The following GRIK4 variants were observed in gnomAD, a reference collection of about 807,000 sequenced individuals.
GRIK4 encodes the protein glutamate ionotropic receptor kainate type subunit 4.
A neutral mutation model predicts 104.9 loss-of-function variants in GRIK4; 40 were observed. The ratio of observed to expected loss-of-function variants is 0.38; its 90% confidence interval spans 0.30 to 0.50. The LOEUF (loss-of-function observed/expected upper bound fraction) is 0.50. Ranked by LOEUF, GRIK4 falls within the 20% of genes least tolerant of loss-of-function variation. GRIK4 has a pLI of 0.93. For missense variants in GRIK4, 1,047 were observed against 1,308.1 expected (o/e 0.80, Z 3.08); for synonymous variants, 485 against 524.9 (o/e 0.92, Z 1.04).
chr11:120,668,492 T>G (rs1016520507), intron 3 of GRIK4, among the ~76,000 whole-genome samples: 5 of 152,192 alleles, frequency 3.3e-5, no homozygotes, highest in Non-Finnish European at 5.9e-5. Context: ...CCCCAGCCCT[T>G]TAAGCTCCCA....
chr11:120,744,615 G>C (rs887281616), intron 3 of GRIK4, among the ~76,000 whole-genome samples: 1 of 152,148 alleles, frequency 6.6e-6, no homozygotes, highest in Admixed American at 6.5e-5. Context: ...GGAGTAAAGA[G>C]GAAGCAGGAG....
intron 6 of GRIK4, among the ~76,000 whole-genome samples, chr11:120,824,072 G>C (rs925865351): frequency 1.3e-5 from 2 of 152,194 alleles, no homozygotes; most frequent in Non-Finnish European, 2.9e-5. Flanking sequence ...AGAATTAGGA[G>C]CAGAATCTAA....
At chr11:120,720,980 TTC>T (rs1950922556) in intron 3 of GRIK4, among the ~76,000 whole-genome samples, 2 of 30,692 alleles carry the variant, frequency 6.5e-5, no homozygotes, top group Admixed American at 3.5e-4. Flanking sequence ...CATTCACGTA[TTC>T]ATTCATTCAT....
At chr11:120,758,767 A>G (rs1951695429) in intron 3 of GRIK4, among the ~76,000 whole-genome samples, 1 of 152,218 alleles carries the variant, frequency 6.6e-6, no homozygotes, top group Admixed American at 6.5e-5. Flanking sequence ...TAATTGGTCT[A>G]TAGTGGGCAT....
chr11:120,646,504 C>G (rs894695359), intron 1 of GRIK4, among the ~76,000 whole-genome samples: 2 of 152,204 alleles, frequency 1.3e-5, no homozygotes, highest in South Asian at 4.2e-4. Flanking sequence ...CTCCAGCTTG[C>G]CATCCTAATT....
chr11:120,890,615 G>C (rs551058214), intron 11 of GRIK4, among the ~76,000 whole-genome samples: 2 of 152,204 alleles, frequency 1.3e-5, no homozygotes, highest in Non-Finnish European at 2.9e-5. Flanking sequence ...CAAGTTGCTT[G>C]ATATCTCTGA....
At chr11:120,563,438 C>T (rs1948266136) in intron 1 of GRIK4, among the ~76,000 whole-genome samples, 1 of 152,092 alleles carries the variant, frequency 6.6e-6, no homozygotes, top group East Asian at 1.9e-4. Context: ...TATTTTTGGT[C>T]CCTGGGAAGG....
rs540422943 is a variant in GRIK4 at position 120,537,180 on chromosome 11, A to G, written c.-159+25293A>G. On this transcript the variant is annotated intron_variant, in intron 1 of 20. Coordinates refer to ENST00000527524, the MANE Select transcript of GRIK4 (RefSeq NM_014619.5). ...CGAGGGCCACAGGAGAGCCTAGCTT[A>G]TTTATGTTGCTGTTCCTTACTCTTT... 7.2e-5 allele frequency among the ~76,000 whole-genome samples: 11 copies of G among 152,272 alleles called. No individual in the cohort carries two copies. In the South Asian group the frequency reaches 2.3e-3, roughly 32 times the overall value.
intron 1 of GRIK4, among the ~76,000 whole-genome samples, chr11:120,569,267 G>A (rs1948368351): frequency 1.3e-5 from 2 of 152,136 alleles, no homozygotes; most frequent in African/African-American, 4.8e-5. Context: ...TTTGAACTTG[G>A]GTGCATTGGT....
At chr11:120,981,038 T>C (rs900019378) in intron 19 of GRIK4, among the ~76,000 whole-genome samples, 2 of 152,144 alleles carry the variant, frequency 1.3e-5, no homozygotes, top group Non-Finnish European at 2.9e-5. Context: ...AGGCTCCATG[T>C]TCTGTGAGGA....
At position 120,928,631 on chromosome 11, in the gene GRIK4, A is replaced by G. The variant is rs182730843; in HGVS notation, c.1477-11716A>G. On this transcript the variant is annotated intron_variant, in intron 13 of 20. Transcript: ENST00000527524. ...CTGTGCCGCATAATTTCACCTGCAA[A>G]TGAACTGCCAGCCCCTTCTTTCCTT... Among the ~76,000 whole-genome samples, 144 of 152,246 alleles carry G rather than the reference A, an allele frequency of 9.5e-4. 1 individual carries two copies. Among genetic ancestry groups the G allele is most frequent in the African/African-American group, 3.3e-3 (135 of 41,538 alleles).
intron 3 of GRIK4, among the ~76,000 whole-genome samples, chr11:120,768,011 T>C (rs573099762): frequency 3.0e-4 from 45 of 151,750 alleles, no homozygotes; most frequent in African/African-American, 9.4e-4. Flanking sequence ...TCTTTCTCAG[T>C]ACTGCTTTGG....
chr11:120,741,643 T>C (rs1031448916), intron 3 of GRIK4, among the ~76,000 whole-genome samples: 3 of 152,162 alleles, frequency 2.0e-5, no homozygotes, highest in African/African-American at 7.2e-5. Flanking sequence ...AATGTGTAGA[T>C]TTCCTTCCTC....
chr11:120,585,343 C>CTTTTTTTTTTTTT, intron 1 of GRIK4, among the ~76,000 whole-genome samples: 1 of 143,756 alleles, frequency 7.0e-6, no homozygotes, highest in Non-Finnish European at 1.5e-5. Context: ...CTCTCTCTCT[C>CTTTTTTTTTTTTT]TTTTTTTTTT....
intron 13 of GRIK4, chr11:120,936,133 C>T (rs888647266): frequency 2.1e-5 from 4 of 187,712 alleles, no homozygotes; most frequent in East Asian, 1.7e-4. Flanking sequence ...TTTTCAGCCC[C>T]GATAACTTGC....
At chr11:120,703,057 C>A (rs185963613) in intron 3 of GRIK4, among the ~76,000 whole-genome samples, 8 of 152,112 alleles carry the variant, frequency 5.3e-5, no homozygotes, top group South Asian at 2.1e-4. Flanking sequence ...CAGTGTTGGT[C>A]AATAGAACTT....
intron 3 of GRIK4, among the ~76,000 whole-genome samples, chr11:120,741,868 G>A (rs538011844): frequency 1.3e-5 from 2 of 152,318 alleles, no homozygotes; most frequent in South Asian, 2.1e-4. Context: ...TGTGGGGTAA[G>A]ATGCAGTCTC....
At chr11:120,738,251 A>G (rs1414330607) in intron 3 of GRIK4, among the ~76,000 whole-genome samples, 1 of 152,252 alleles carries the variant, frequency 6.6e-6, no homozygotes, top group Non-Finnish European at 1.5e-5. Context: ...TAGATTACCC[A>G]TGGACTTTGG....
chr11:120,668,265 A>G (rs902293185), intron 3 of GRIK4, among the ~76,000 whole-genome samples: 6 of 150,844 alleles, frequency 4.0e-5, no homozygotes, highest in Non-Finnish European at 8.8e-5. Flanking sequence ...AAGAAATAAG[A>G]AAGAAAGAAA....
Sources: allele counts gnomAD v4.1 joint callset (sites outside exome capture counted in the v4.1 genomes callset), GRCh38; gene constraint gnomAD v4.1.1; transcripts MANE v1.5; gene names NCBI Gene and HGNC (gene_info 2026-07-23, HGNC 2026-07-21).